The following DCHS1 variants were observed in gnomAD, a reference collection of about 807,000 sequenced individuals.
DCHS1 encodes dachsous cadherin-related 1, also known as protocadherin-16.
Under a neutral mutation model 213.9 loss-of-function variants are expected in DCHS1, and 78 were observed. That is an observed-to-expected ratio of 0.36 (90% CI 0.30 to 0.44). DCHS1 has a LOEUF of 0.44. DCHS1 is among the 20% of genes least tolerant of loss of function. DCHS1 has a pLI of 1.00. For synonymous variants in DCHS1, 1,828 were observed against 1,873.7 expected (o/e 0.98, Z 0.63); for missense variants, 3,946 against 4,395.9 (o/e 0.90, Z 2.89).
chr11:6,634,389 G>A (rs762596322), intron 2 of DCHS1, 83 bp from the exon 3 acceptor site: 11 of 1,447,234 alleles, frequency 7.6e-6, no homozygotes, highest in Admixed American at 4.7e-5. Context: ...TGAACAACTG[G>A]TGCTAAGTCT....
chr11:6,622,184 G>A lies in DCHS1; in HGVS notation c.9492C>T (p.Asp3164=). The part of the protein sequence containing the change: ...EEELRGSYNW[D]YLLSWCPQFQ... ...ACTGAGGGCACCAGCTCAGCAGGTA[G>A]TCCCAGTTATAGCTGCCACGGAGCT... The change falls in exon 21 of 21, where the codon GAC becomes GAT. Residue 3164 remains aspartate (D), a synonymous_variant. Transcript: ENST00000299441. This position sits in a 1 kb window ranked among gnomAD's most constrained non-coding sequence, Gnocchi z 5.4. 6.2e-7 allele frequency: 1 copy of A among 1,608,630 alleles called. No homozygotes were observed. Among genetic ancestry groups the A allele is most frequent in the South Asian group, 1.1e-5 (1 of 90,500 alleles).
Position 6,630,022 on chromosome 11 carries a change from T to C in DCHS1, c.4772A>G (p.His1591Arg), listed in dbSNP as rs1168224692. ...ACCAGTGCTTGAGTGCAGCCGGAAG[T>C]GGCCGTCCCCGCCAGATGCCAGCCG... ...SYRLASGGDG[H>R]FRLHSSTGAL... The change falls in exon 10 of 21, where the codon CAC (histidine) becomes CGC (arginine). Residue 1591 changes from histidine to arginine, a missense_variant. Transcript: ENST00000299441. The C allele has an allele frequency of 1.9e-6, 3 of 1,560,184 alleles. No individual in the cohort carries two copies. The highest frequency in any genetic ancestry group is 1.7e-6 in the Non-Finnish European group (2 of 1,149,352).
In DCHS1 at chr11:6,633,632, G is replaced by A. The variant is rs775355887; in HGVS notation, c.2235C>T (p.Ala745=). The A allele has an allele frequency of 1.2e-6, 2 of 1,601,222 alleles. No homozygotes were observed. The highest frequency in any genetic ancestry group is 2.2e-5 in the South Asian group (2 of 89,530). The change falls in exon 5 of 21, where the codon GCC becomes GCT. Residue 745 remains alanine (A), a synonymous_variant. Coordinates refer to ENST00000299441, the MANE Select transcript of DCHS1 (RefSeq NM_003737.4). ...AATTGGCCCGTCTGGCCAAGGGCCA[G>A]GCTACTGTCAACAGCCCTGAGAGGA... ...LDEQSGLLTV[A]WPLARRANSV...
intron 1 of DCHS1, among the ~76,000 whole-genome samples, chr11:6,648,326 G>A (rs1342656634): frequency 2.0e-5 from 3 of 152,154 alleles, no homozygotes; most frequent in Non-Finnish European, 4.4e-5. Flanking sequence ...TCTTCCTGGG[G>A]GCAGTATCAC....
chr11:6,623,525 C>T lies in DCHS1; in HGVS notation c.8151G>A (p.Glu2717=), dbSNP rs764493359. ...PLNLLSTSVA[E]NQPPGTLVTT... ...TCACGAGAGTGCCTGGAGGCTGATT[C>T]TCGGCCACGCTGGTGCTGAGTAAGT... Residue 2717 remains glutamate (E), a synonymous_variant, in exon 21 of 21, where the codon GAG becomes GAA. Coordinates refer to ENST00000299441, the MANE Select transcript of DCHS1 (RefSeq NM_003737.4). 7.5e-6 allele frequency: 12 copies of T among 1,606,686 alleles called. No homozygotes were observed. The East Asian group carries it at 1.8e-4, about 24-fold the overall frequency.
In DCHS1 at chr11:6,626,694, T is replaced by G. The variant is rs1192970919; in HGVS notation, c.6251-29A>C. ...CAGAAAGAACGGTATTGTTGGACTG[T>G]GAGCGCGAGACTGGGAGAGTTTGGG... On this transcript the variant is annotated intron_variant, in intron 14 of 20. Transcript: ENST00000299441. This position sits in a 1 kb window ranked among gnomAD's most constrained non-coding sequence, Gnocchi z 5.2. The G allele has an allele frequency of 6.2e-7, 1 of 1,612,854 alleles. No individual in the cohort carries two copies. The highest frequency in any genetic ancestry group is 1.7e-5 in the Admixed American group (1 of 60,014).
rs1442718061 is a variant in DCHS1 at position 6,631,346 on chromosome 11, T to C, written c.3737A>G (p.Glu1246Gly). Residue 1246 changes from glutamate to glycine, a missense_variant, in exon 8 of 21, where the codon GAG (glutamate) becomes GGG (glycine). By Grantham distance (98) the Glu-to-Gly change is moderately conservative. Around this residue, in one of 3 missense-constraint regions of DCHS1, gnomAD observed 3,384 missense variants for 3,780.1 expected, o/e 0.90. Coordinates refer to ENST00000299441, the MANE Select transcript of DCHS1 (RefSeq NM_003737.4). ...GTACAAGATGGTCCCATTCTCCCCC[T>C]CATCTGGATCCTTCGCCTGCAGAGT... ...VTTLQAKDPD[E>G]GENGTILYTL... 5.0e-6 allele frequency: 8 copies of C among 1,613,930 alleles called. No individual in the cohort carries two copies. The South Asian group carries it at 8.8e-5, about 18-fold the overall frequency.
chr11:6,647,022 A>C (rs1012370491), intron 1 of DCHS1, among the ~76,000 whole-genome samples: 1 of 152,112 alleles, frequency 6.6e-6, no homozygotes, highest in South Asian at 2.1e-4. Flanking sequence ...GGCACCACCC[A>C]GGCCTCCTCC....
intron 1 of DCHS1, among the ~76,000 whole-genome samples, chr11:6,645,262 G>T (rs565284954): frequency 6.6e-6 from 1 of 152,324 alleles, no homozygotes; most frequent in African/African-American, 2.4e-5. Flanking sequence ...AGAACAAGGA[G>T]GTCAGGGTGA....
At position 6,623,660 on chromosome 11, in the gene DCHS1, T is replaced by C; in HGVS notation, c.8016A>G (p.Arg2672=). 2 of 1,613,800 alleles carry C rather than the reference T, an allele frequency of 1.2e-6. No individual in the cohort carries two copies. The highest frequency in any genetic ancestry group is 1.7e-6 in the Non-Finnish European group (2 of 1,179,890). Reference sequence around the variant, plus strand: ...CAGCAGCCTGTACTACAAGCTGATGTCGAGCCTGGGTCTCACAGTCCAGGG... The same window carrying C: ...CAGCAGCCTGTACTACAAGCTGATGCCGAGCCTGGGTCTCACAGTCCAGGG... ...AHALDCETQA[R]HQLVVQAADP... is the part of the protein sequence containing the mutation. The change falls in exon 21 of 21, where the codon CGA becomes CGG. Residue 2672 remains arginine, a synonymous_variant. Coordinates refer to ENST00000299441, the MANE Select transcript of DCHS1 (RefSeq NM_003737.4).
At position 6,623,799 on chromosome 11, in the gene DCHS1, G is replaced by T; in HGVS notation, c.7877C>A (p.Ala2626Asp). ...PVGAELLHVE[A>D]SDADPGPHGL... The stretch of plus-strand genomic sequence containing the variant: ...ATGAGGGCCAGGGTCAGCGTCAGAG[G>T]CCTCTACATGCAGCAGCTCAGCTCC... Residue 2626 changes from alanine to aspartate, a missense_variant, in exon 21 of 21, where the codon GCC (alanine) becomes GAC (aspartate). Transcript: ENST00000299441. 6.2e-7 allele frequency: 1 copy of T among 1,613,946 alleles called. No homozygotes were observed. The highest frequency in any genetic ancestry group is 8.5e-7 in the Non-Finnish European group (1 of 1,179,844).
At position 6,624,362 on chromosome 11, in the gene DCHS1, C is replaced by A; in HGVS notation, c.7314G>T (p.Val2438=). 1 of 1,571,362 alleles carries A rather than the reference C, an allele frequency of 6.4e-7. No homozygotes were observed. Among genetic ancestry groups the A allele is most frequent in the South Asian group, 1.2e-5 (1 of 86,254 alleles). ...NGTLFTIVGT[V]ALGHDGSGAV... The stretch of plus-strand genomic sequence containing the variant: ...CTCCTGACCCGTCATGGCCCAAGGC[C>A]ACTGTTCCCACTATTGTGAACAGGG... Residue 2438 remains valine (V), a synonymous_variant, in exon 21 of 21, where the codon GTG becomes GTT. Coordinates refer to ENST00000299441, the MANE Select transcript of DCHS1 (RefSeq NM_003737.4).
chr11:6,624,002 T>C lies in DCHS1; in HGVS notation c.7674A>G (p.Glu2558=). 1 of 1,612,302 alleles carries C rather than the reference T, an allele frequency of 6.2e-7. No homozygotes were observed. Among genetic ancestry groups the C allele is most frequent in the South Asian group, 1.1e-5 (1 of 91,038 alleles). The change falls in exon 21 of 21, where the codon GAA becomes GAG. Residue 2558 remains glutamate, a synonymous_variant. Transcript: ENST00000299441. ...GTGTCAGGCTTTCAAAGTCTAGAGG[T>C]TCAAGCAACACCAGGCAGCCCAGTG... ...PRALGCLVLL[E]PLDFESLTQY...
chr11:6,623,431 C>T lies in DCHS1; in HGVS notation c.8245G>A (p.Gly2749Arg), dbSNP rs1160423593. 1.3e-6 allele frequency: 2 copies of T among 1,585,486 alleles called. No homozygotes were observed. Among genetic ancestry groups the T allele is most frequent in the Admixed American group, 1.8e-5 (1 of 55,608 alleles). Residue 2749 changes from glycine to arginine, a missense_variant, in exon 21 of 21, where the codon GGG becomes AGG. Coordinates refer to ENST00000299441, the MANE Select transcript of DCHS1 (RefSeq NM_003737.4). Reference protein sequence around the residue: ...GRLRYSLLEAGPGPEGREAFA... With the variant: ...GRLRYSLLEARPGPEGREAFA... ...GCCTCACGGCCCTCAGGTCCTGGCCCAGCCTCCAACAGGCTGTAACGGAGC... is the reference window on the plus strand; with the variant it reads ...GCCTCACGGCCCTCAGGTCCTGGCCTAGCCTCCAACAGGCTGTAACGGAGC...
At chr11:6,642,350 G>A (rs1320946620) in intron 1 of DCHS1, among the ~76,000 whole-genome samples, 2 of 152,182 alleles carry the variant, frequency 1.3e-5, no homozygotes. Context: ...TATAGTCCAG[G>A]AGTTGAACAA....
Position 6,627,039 on chromosome 11 carries a change from C to G in DCHS1, c.6000G>C (p.Leu2000=), listed in dbSNP as rs1855816998. 1 of 1,613,528 alleles carries G rather than the reference C, an allele frequency of 6.2e-7. No homozygotes were observed. The highest frequency in any genetic ancestry group is 1.7e-5 in the Admixed American group (1 of 59,996). The change falls in exon 14 of 21, where the codon CTG becomes CTC. Residue 2000 remains leucine, a synonymous_variant. Transcript: ENST00000299441. The surrounding 1 kb of genome is among the most constrained non-coding windows in gnomAD (Gnocchi z 5.4). ...DRDAGANASI[L]YRLAGTPPPG... The stretch of plus-strand genomic sequence containing the variant: ...GAGGTGGTGTGCCTGCCAGCCGGTA[C>G]AGAATGGAAGCATTGGCACCAGCAT...
chr11:6,634,339 C>T, intron 2 of DCHS1, 33 bp from the exon 3 acceptor site: 1 of 1,531,288 alleles, frequency 6.5e-7, no homozygotes, highest in Non-Finnish European at 8.8e-7. Flanking sequence ...GGTGTCCCCT[C>T]TTCTTTGCCA....
At position 6,641,300 on chromosome 11, in the gene DCHS1, C is replaced by A. The variant is rs376015879; in HGVS notation, c.314G>T (p.Arg105Leu). ...DEHSGVVRTA[R>L]VLDREQRDRY... ...GTCCCGCTGCTCACGGTCCAAGACACGGGCTGTACGGACGACCCCACTGTG... is the reference window on the plus strand; with the variant it reads ...GTCCCGCTGCTCACGGTCCAAGACAAGGGCTGTACGGACGACCCCACTGTG... The change falls in exon 2 of 21, where the codon CGT becomes CTT. Residue 105 changes from arginine to leucine, a missense_variant. Physicochemically the swap from Arg to Leu is moderately radical, Grantham distance 102. Around this residue, in one of 3 missense-constraint regions of DCHS1, gnomAD observed 3,384 missense variants for 3,780.1 expected, o/e 0.90. Coordinates refer to ENST00000299441, the MANE Select transcript of DCHS1 (RefSeq NM_003737.4). The surrounding 1 kb of genome is among the most constrained non-coding windows in gnomAD (Gnocchi z 7.1). The A allele has an allele frequency of 1.2e-6, 2 of 1,613,692 alleles. No individual in the cohort carries two copies. The highest frequency in any genetic ancestry group is 1.7e-6 in the Non-Finnish European group (2 of 1,179,890).
chr11:6,653,122 T>C (rs756731677), intron 1 of DCHS1, among the ~76,000 whole-genome samples: 4 of 152,208 alleles, frequency 2.6e-5, no homozygotes, highest in Non-Finnish European at 2.9e-5. Context: ...AGACCCTGCA[T>C]GGTCTAAGCC....
Sources: gnomAD v4.1 joint callset for allele counts (sites outside exome capture counted in the v4.1 genomes callset) on GRCh38, gnomAD v4.1.1 for gene constraint, gnomAD v4.1.1 regional missense constraint, Gnocchi (gnomAD v3.1) non-coding constraint, MANE v1.5 for transcripts, NCBI Gene and HGNC (gene_info 2026-07-23, HGNC 2026-07-21) for gene names.